SCAF8: variants seen among roughly 807,000 people sequenced by gnomAD.
SCAF8 encodes the protein SR-related and CTD-associated factor 8.
SCAF8 carries 23 observed loss-of-function variants against 140.5 expected under a neutral mutation model. That is an observed-to-expected ratio of 0.16 (90% CI 0.12 to 0.23). The LOEUF (loss-of-function observed/expected upper bound fraction) is 0.23. Among genes scored for constraint, SCAF8 ranks in the 10% least tolerant of loss-of-function variants. The pLI, the probability that SCAF8 is intolerant of heterozygous loss-of-function variation, is 1.00. For synonymous variants in SCAF8, 575 were observed against 528.9 expected (o/e 1.09, Z -1.20); for missense variants, 1,397 against 1,555.7 (o/e 0.90, Z 1.72).
intron 1 of SCAF8, among the ~76,000 whole-genome samples, chr6:154,743,401 A>T (rs1225968134): frequency 6.6e-6 from 1 of 152,246 alleles, no homozygotes; most frequent in Admixed American, 6.5e-5. Flanking sequence ...GAGAATCATT[A>T]GTCTCCACAT....
intron 9 of SCAF8, 78 bp from the exon 10 acceptor site, chr6:154,807,992 A>G (rs929787553): frequency 2.4e-6 from 3 of 1,264,228 alleles, no homozygotes; most frequent in African/African-American, 3.0e-5. Context: ...TGTAATTGTG[A>G]TGTTTGCTGT....
intron 3 of SCAF8, among the ~76,000 whole-genome samples, chr6:154,783,586 C>G (rs774087558): frequency 2.6e-5 from 4 of 152,198 alleles, no homozygotes. Context: ...AAAGATGGTG[C>G]TAAACTGTCT....
rs1459283718 is a variant in SCAF8 at position 154,808,090 on chromosome 6, G to A, written c.1002G>A (p.Gln334=). The change falls in exon 10 of 20, where the codon CAG becomes CAA. Residue 334 remains glutamine, a synonymous_variant. Coordinates refer to ENST00000367178, the MANE Select transcript of SCAF8 (RefSeq NM_014892.5). ...AATAGGCCACTCCTCAGGATAGTCA[G>A]GAAGGAACCTTTGGGTCAGAGCATT... ...QPQKATPQDS[Q]EGTFGSEHSA... The A allele has an allele frequency of 1.9e-6, 3 of 1,613,818 alleles. No individual in the cohort carries two copies. Among genetic ancestry groups the A allele is most frequent in the Non-Finnish European group, 2.5e-6 (3 of 1,179,876 alleles).
At chr6:154,743,458 T>C (rs1778622821) in intron 1 of SCAF8, among the ~76,000 whole-genome samples, 1 of 152,216 alleles carries the variant, frequency 6.6e-6, no homozygotes, top group African/African-American at 2.4e-5. Flanking sequence ...CCAAACCTTA[T>C]GAATTTAGAA....
rs1383784463 is a variant in SCAF8, at chr6:154,801,980, T to C, written c.616T>C (p.Leu206=). The change falls in exon 7 of 20, where the codon TTA becomes CTA. Residue 206 remains leucine (L), a synonymous_variant. Coordinates refer to ENST00000367178, the MANE Select transcript of SCAF8 (RefSeq NM_014892.5). ...ATTTTTTTCTCTCCAGCTTCAACAA[T>C]TAATACAAACCTTACAGATACAACA... is the stretch of plus-strand genomic sequence containing the variant. ...QSPQGQQLQQ[L]IQTLQIQQQK... is the part of the protein sequence containing the mutation. 1.3e-6 allele frequency: 2 copies of C among 1,583,324 alleles called. No homozygotes were observed. The highest frequency in any genetic ancestry group is 1.7e-6 in the Non-Finnish European group (2 of 1,169,366).
chr6:154,733,783 C>G lies in SCAF8; in HGVS notation c.-118C>G, dbSNP rs1004573857. The G allele has an allele frequency of 1.4e-6, 2 of 1,384,112 alleles. No individual in the cohort carries two copies. The highest frequency in any genetic ancestry group is 3.9e-5 in the Admixed American group (1 of 25,576). 85.7% of individuals were successfully genotyped at this position (1,384,112 alleles called of 1,614,324 possible). On this transcript the variant is annotated 5_prime_UTR_variant, in exon 1 of 20. Coordinates refer to ENST00000367178, the MANE Select transcript of SCAF8 (RefSeq NM_014892.5). Reference sequence around the variant, plus strand: ...TCCGCCCCGAGGTCGCAGCGGCCCGCTCTCCCGCCAGCGCCCCCTCCTCGC... The same window carrying G: ...TCCGCCCCGAGGTCGCAGCGGCCCGGTCTCCCGCCAGCGCCCCCTCCTCGC...
intron 3 of SCAF8, among the ~76,000 whole-genome samples, chr6:154,784,155 A>ATATATATATATATATATATTTATT (rs1408182952): frequency 6.5e-5 from 6 of 91,980 alleles, no homozygotes; most frequent in East Asian, 7.0e-4. Flanking sequence ...ATATATATAT[A>ATATATATATATATATATATTTATT]TATTTATTTA....
In SCAF8 at chr6:154,784,144, TATATATATATA is replaced by T. The variant is rs1562444177; in HGVS notation, c.160-3716_160-3706del. 3.8e-3 allele frequency among the ~76,000 whole-genome samples: 355 copies of T among 92,502 alleles called. 4 individuals carry two copies. The highest frequency in any genetic ancestry group is 5.0e-3 in the Non-Finnish European group (237 of 47,734). 60.7% of individuals were successfully genotyped at this position (92,502 alleles called of 152,430 possible). A position where few individuals can be genotyped will look rare whatever the true frequency, so the allele number is the denominator to read the frequency against. The stretch of plus-strand genomic sequence containing the variant: ...AGATATATATATATATATATATATA[TATATATATATA>T]TATTTATTTATTTATTTTTCATGTA... On this transcript the variant is annotated intron_variant, in intron 3 of 19. Transcript: ENST00000367178.
chr6:154,790,489 A>ATTTTTTTTTTTTTTTTTTTTTTTTT (rs57095332), intron 4 of SCAF8, among the ~76,000 whole-genome samples: 5 of 70,878 alleles, frequency 7.1e-5, no homozygotes, highest in Admixed American at 2.2e-4. Flanking sequence ...ATTTAACAGA[A>ATTTTTTTTTTTTTTTTTTTTTTTTT]TTTTTTTTTT....
intron 12 of SCAF8, among the ~76,000 whole-genome samples, chr6:154,815,143 A>G (rs1778209510): frequency 6.6e-6 from 1 of 151,988 alleles, no homozygotes; most frequent in South Asian, 2.1e-4. Context: ...TAAAAATACA[A>G]AAAATTAGCC....
chr6:154,768,480 C>T (rs1213741733), intron 1 of SCAF8, among the ~76,000 whole-genome samples: 1 of 152,204 alleles, frequency 6.6e-6, no homozygotes, highest in Non-Finnish European at 1.5e-5. Context: ...CACACTCGAG[C>T]TCACTGCAAT....
intron 3 of SCAF8, among the ~76,000 whole-genome samples, chr6:154,782,932 C>T (rs1777126638): frequency 6.6e-6 from 1 of 152,152 alleles, no homozygotes. Flanking sequence ...TTTGGCAGCA[C>T]CCTCACAGAC....
chr6:154,778,162 C>T (rs1262217572), intron 3 of SCAF8, 117 bp downstream of exon 3: 2 of 581,828 alleles, frequency 3.4e-6, no homozygotes, highest in Non-Finnish European at 5.9e-6. Flanking sequence ...AAAGTGATTC[C>T]AGTTATTTTA....
At chr6:154,737,813 G>A (rs181118389) in intron 1 of SCAF8, among the ~76,000 whole-genome samples, 3 of 152,250 alleles carry the variant, frequency 2.0e-5, no homozygotes, top group East Asian at 1.9e-4. Context: ...GAACTCCTGA[G>A]CTCCGGTGAT....
Position 154,810,110 on chromosome 6 carries a change from AATC to A in SCAF8, c.1327_1329del (p.Ser443del), listed in dbSNP as rs1227148521. 2 of 1,614,070 alleles carry A rather than the reference AATC, an allele frequency of 1.2e-6. No homozygotes were observed. The highest frequency in any genetic ancestry group is 2.7e-5 in the African/African-American group (2 of 75,044). On this transcript the variant is annotated inframe_deletion, in exon 12 of 20. Coordinates refer to ENST00000367178, the MANE Select transcript of SCAF8 (RefSeq NM_014892.5). ...TCCCGCTCAAGAGAAAGAAAGAGGA[AATC>A]ATCACGGTCGTATTCAAGTGAAAGG...
intron 9 of SCAF8, among the ~76,000 whole-genome samples, chr6:154,806,146 G>A (rs1451377389): frequency 6.6e-6 from 1 of 152,084 alleles, no homozygotes; most frequent in Non-Finnish European, 1.5e-5. Context: ...TTAAAACATC[G>A]ATAACTAAAT....
chr6:154,775,005 G>A lies in SCAF8; in HGVS notation c.114+933G>A, dbSNP rs1223745708. Among the ~76,000 whole-genome samples, 4 of 152,092 alleles carry A rather than the reference G, an allele frequency of 2.6e-5. No individual in the cohort carries two copies. In the East Asian group the frequency reaches 7.7e-4, roughly 29 times the overall value. On this transcript the variant is annotated intron_variant, in intron 2 of 19. Transcript: ENST00000367178. ...CTAACCTATGAATATTCAGTGATAT[G>A]TTTTCCTGCCCTGAATTAAATTATT... is the stretch of plus-strand genomic sequence containing the variant.
chr6:154,804,886 CTAA>C (rs1777868843), intron 8 of SCAF8, among the ~76,000 whole-genome samples: 1 of 151,874 alleles, frequency 6.6e-6, no homozygotes, highest in South Asian at 2.1e-4. Flanking sequence ...GTTAACATAC[CTAA>C]TAATGTATAT....
At position 154,733,448 on chromosome 6, in the gene SCAF8, TTCC is replaced by T; in HGVS notation, c.-447_-445del. 7.2e-7 allele frequency: 1 copy of T among 1,391,184 alleles called. No individual in the cohort carries two copies. The highest frequency in any genetic ancestry group is 9.3e-7 in the Non-Finnish European group (1 of 1,071,976). 86.2% of individuals were successfully genotyped at this position (1,391,184 alleles called of 1,614,324 possible). A position where few individuals can be genotyped will look rare whatever the true frequency, so the allele number is the denominator to read the frequency against. ...ATGCCGCAGCCGCTGCTGCCAGCGC[TTCC>T]TCCTCTGTCTTCGCCGAGCGGGGCT... On this transcript the variant is annotated 5_prime_UTR_variant, in exon 1 of 20. Coordinates refer to ENST00000367178, the MANE Select transcript of SCAF8 (RefSeq NM_014892.5).
Sources: allele counts gnomAD v4.1 joint callset (sites outside exome capture counted in the v4.1 genomes callset), GRCh38; gene constraint gnomAD v4.1.1; transcripts MANE v1.5; gene names NCBI Gene and HGNC (gene_info 2026-07-23, HGNC 2026-07-21).